CPS1: variants seen among roughly 807,000 people sequenced by gnomAD.
CPS1 encodes the protein carbamoyl-phosphate synthase 1.
CPS1 carries 109 observed loss-of-function variants against 174.6 expected under a neutral mutation model. The ratio of observed to expected loss-of-function variants is 0.62; its 90% confidence interval spans 0.53 to 0.73. CPS1 has a LOEUF of 0.73. Among genes scored for constraint, CPS1 ranks in the 30% least tolerant of loss-of-function variants. The pLI is 0.00. For missense variants in CPS1, 1,689 were observed against 1,821.9 expected (o/e 0.93, Z 1.33); for synonymous variants, 637 against 632.0 (o/e 1.01, Z -0.12).
At chr2:210,604,959 G>C (rs1698853883) in intron 16 of CPS1, 143 bp from the exon 17 acceptor site, 3 of 800,112 alleles carry the variant, frequency 3.7e-6, no homozygotes. Context: ...CTGACACATT[G>C]TGCCTTCTGT....
At chr2:210,629,044 T>A (rs1699780904) in intron 21 of CPS1, among the ~76,000 whole-genome samples, 2 of 152,146 alleles carry the variant, frequency 1.3e-5, no homozygotes, top group Non-Finnish European at 2.9e-5. Flanking sequence ...GCCCATTCAA[T>A]CCCTATTTTC....
At chr2:210,632,044 G>A (rs1409047696) in intron 21 of CPS1, among the ~76,000 whole-genome samples, 1 of 152,060 alleles carries the variant, frequency 6.6e-6, no homozygotes, top group African/African-American at 2.4e-5. Flanking sequence ...AAAAAGCAGT[G>A]TTGAATTATA....
chr2:210,523,558 A>G (rs376657915), intron 1 of CPS1, among the ~76,000 whole-genome samples: 2 of 152,008 alleles, frequency 1.3e-5, no homozygotes, highest in South Asian at 2.1e-4. Flanking sequence ...ACGTGGACGC[A>G]TTATTTAGCT....
At chr2:210,666,593 C>T (rs1422117527) in intron 33 of CPS1, among the ~76,000 whole-genome samples, 1 of 152,130 alleles carries the variant, frequency 6.6e-6, no homozygotes, top group Non-Finnish European at 1.5e-5. Flanking sequence ...AATCCTTTCC[C>T]CATTGCTTGT....
intron 1 of CPS1, among the ~76,000 whole-genome samples, chr2:210,512,232 C>T (rs1022278901): frequency 8.6e-5 from 13 of 151,794 alleles, no homozygotes; most frequent in African/African-American, 2.4e-4. Context: ...TGGATTCAGA[C>T]GTTACATGTG....
At chr2:210,551,452 A>T (rs1696728908) in intron 1 of CPS1, among the ~76,000 whole-genome samples, 1 of 151,984 alleles carries the variant, frequency 6.6e-6, no homozygotes. Context: ...GTCTGGGAGT[A>T]GTGTCTTTTT....
At chr2:210,509,423 C>T (rs4386263) in intron 1 of CPS1, among the ~76,000 whole-genome samples, 25,370 of 152,070 alleles carry the variant, frequency 0.17, 2,324 homozygotes, top group Admixed American at 0.25. Context: ...CAGCCAATAT[C>T]ATACTGAATG....
intron 15 of CPS1, 123 bp downstream of exon 15, chr2:210,600,835 T>C: frequency 8.9e-7 from 1 of 1,121,340 alleles, no homozygotes; most frequent in Non-Finnish European, 1.3e-6. Flanking sequence ...TCTTCTAGAA[T>C]TGTGTTAATA....
At position 210,509,449 on chromosome 2, in the gene CPS1, C is replaced by G. The variant is rs978740923; in HGVS notation, c.3+31683C>G. ...ATACTGAATGGGCAAAAACTGGAAG[C>G]ATTCCCTTTGAAAACTGGCACATGA... On this transcript the variant is annotated intron_variant, in intron 1 of 38. Coordinates refer to the CPS1 transcript ENST00000430249. 4.1e-4 allele frequency among the ~76,000 whole-genome samples: 63 copies of G among 152,316 alleles called. 1 individual carries two copies. The highest frequency in any genetic ancestry group is 3.1e-4 in the Non-Finnish European group (21 of 68,030).
chr2:210,491,409 G>A (rs1478374307), intron 1 of CPS1, among the ~76,000 whole-genome samples: 2 of 134,248 alleles, frequency 1.5e-5, no homozygotes, highest in Admixed American at 8.9e-5. Context: ...CCACCTCCCG[G>A]TTCAAGTGAT....
upstream of CPS1, among the ~76,000 whole-genome samples, chr2:210,554,322 T>A (rs1193613098): frequency 6.6e-6 from 1 of 150,882 alleles, no homozygotes; most frequent in Non-Finnish European, 1.5e-5. Context: ...TCTGGGACCC[T>A]TTACTGATAA....
rs762086959 is a variant in CPS1 at position 210,650,339 on chromosome 2, C to CT, written c.3405-17dup. 24 of 1,601,068 alleles carry CT rather than the reference C, an allele frequency of 1.5e-5. No individual in the cohort carries two copies. The East Asian group carries it at 4.9e-4, about 33-fold the overall frequency. The stretch of plus-strand genomic sequence containing the variant: ...CTAGTATTAGCATAAACCTGACCTG[C>CT]TTTTTTTCCCCTTCCTTTTCCAGTG... On this transcript the variant is annotated intron_variant, in intron 27 of 37. Coordinates refer to ENST00000233072, the MANE Select transcript of CPS1 (RefSeq NM_001875.5).
rs1482050363 is a variant in CPS1, at chr2:210,593,346, T to G, written c.1164+390T>G. 6 of 1,131,604 alleles carry G rather than the reference T, an allele frequency of 5.3e-6. No individual in the cohort carries two copies. The African/African-American group carries it at 9.8e-5, about 18-fold the overall frequency. The allele number at this position is 1,131,604 out of a possible 1,614,324, so 70.1% of individuals were successfully genotyped here. ...ACTTCACAAAAATCCCTATGGCAAC[T>G]GGTTGTGTAGCCACTAAGGGAGAAT... is the stretch of plus-strand genomic sequence containing the variant. On this transcript the variant is annotated intron_variant, in intron 11 of 37. Coordinates refer to ENST00000233072, the MANE Select transcript of CPS1 (RefSeq NM_001875.5).
At chr2:210,623,501 T>TA (rs982505102) in intron 21 of CPS1, among the ~76,000 whole-genome samples, 6 of 151,978 alleles carry the variant, frequency 3.9e-5, no homozygotes, top group South Asian at 4.2e-4. Context: ...AATATAGTTT[T>TA]AAAAAAAAGA....
intron 4 of CPS1, among the ~76,000 whole-genome samples, chr2:210,577,951 G>T (rs373430416): frequency 3.9e-5 from 6 of 151,914 alleles, no homozygotes; most frequent in African/African-American, 1.4e-4. Flanking sequence ...TGCAATACTT[G>T]CATCATCTCT....
At chr2:210,677,833 A>T in intron 37 of CPS1, 54 bp from the exon 38 acceptor site, 1 of 1,370,182 alleles carries the variant, frequency 7.3e-7, no homozygotes, top group Non-Finnish European at 1.0e-6. Flanking sequence ...TTCATTCATT[A>T]AAAATTCACT....
chr2:210,616,105 G>C (rs992214267), intron 20 of CPS1, among the ~76,000 whole-genome samples: 1 of 152,012 alleles, frequency 6.6e-6, no homozygotes. Flanking sequence ...TAATTCCAAA[G>C]AGATGTACCA....
chr2:210,583,279 G>T (rs942723906), intron 6 of CPS1, among the ~76,000 whole-genome samples: 1 of 152,164 alleles, frequency 6.6e-6, no homozygotes, highest in Non-Finnish European at 1.5e-5. Flanking sequence ...TTAGAAAGAA[G>T]TCCATTGGTT....
At chr2:210,600,525 A>G (rs750841794) in intron 14 of CPS1, 30 bp from the exon 15 acceptor site, 10 of 1,608,970 alleles carry the variant, frequency 6.2e-6, no homozygotes, top group African/African-American at 1.3e-5. Flanking sequence ...TCAAGATTTT[A>G]AAAACTAATC....
Sources: allele counts gnomAD v4.1 joint callset (sites outside exome capture counted in the v4.1 genomes callset), GRCh38; gene constraint gnomAD v4.1.1; transcripts MANE v1.5; gene names NCBI Gene and HGNC (gene_info 2026-07-23, HGNC 2026-07-21).